The following CDH13 variants were observed in gnomAD, a reference collection of about 807,000 sequenced individuals.
CDH13 encodes the protein cadherin 13.
In CDH13, 24 loss-of-function variants were observed where a neutral mutation model predicts 63.8. The observed-to-expected ratio is 0.38, with a 90% CI of 0.27 to 0.53. CDH13 has a LOEUF of 0.53. Ranked by LOEUF, CDH13 falls within the 20% of genes least tolerant of loss-of-function variation. The pLI, the probability that CDH13 is intolerant of heterozygous loss-of-function variation, is 0.85. For synonymous variants in CDH13, 503 were observed against 355.3 expected (o/e 1.42, Z -4.67); for missense variants, 1,049 against 903.1 (o/e 1.16, Z -2.07).
intron 5 of CDH13, among the ~76,000 whole-genome samples, chr16:83,310,788 G>A: frequency 6.6e-6 from 1 of 152,148 alleles, no homozygotes; most frequent in Non-Finnish European, 1.5e-5. Context: ...AATAACCTAG[G>A]ACCCTGAAGC....
At position 83,345,016 on chromosome 16, in the gene CDH13, A is replaced by T. The variant is rs920619557; in HGVS notation, c.781+10A>T. ...GAAGGGTCACCCACAGGTATGTCAC[A>T]TTGGCTTACCTTTAGCGTAATGGCT... On this transcript the variant is annotated intron_variant, in intron 6 of 13. Transcript: ENST00000567109. 1.2e-6 allele frequency: 2 copies of T among 1,613,192 alleles called. No individual in the cohort carries two copies. Among genetic ancestry groups the T allele is most frequent in the African/African-American group, 2.7e-5 (2 of 74,906 alleles).
chr16:83,557,187 A>G (rs558919091), intron 7 of CDH13, among the ~76,000 whole-genome samples: 4 of 152,294 alleles, frequency 2.6e-5, no homozygotes, highest in Admixed American at 1.3e-4. Flanking sequence ...GCTAGTTATG[A>G]GAATCTAATG....
chr16:83,392,333 A>G (rs1229649756), intron 6 of CDH13, among the ~76,000 whole-genome samples: 3 of 152,164 alleles, frequency 2.0e-5, no homozygotes, highest in Admixed American at 6.5e-5. Context: ...GTAAGTACTA[A>G]ATGAATGCTG....
intron 4 of CDH13, among the ~76,000 whole-genome samples, chr16:83,190,643 C>A (rs536317239): frequency 6.6e-6 from 1 of 152,096 alleles, no homozygotes; most frequent in Admixed American, 6.5e-5. Context: ...TACATGCCAC[C>A]CTTTGATGCT....
At chr16:82,681,168 T>C (rs62036314) in intron 1 of CDH13, among the ~76,000 whole-genome samples, 7,886 of 152,254 alleles carry the variant, frequency 0.052, 293 homozygotes, top group Non-Finnish European at 0.082. Flanking sequence ...CGTGATAAAA[T>C]ATTATTCAGC....
chr16:82,922,209 C>G (rs896232558), intron 2 of CDH13, among the ~76,000 whole-genome samples: 3 of 152,068 alleles, frequency 2.0e-5, no homozygotes, highest in African/African-American at 7.2e-5. Flanking sequence ...TTTCAAAGAG[C>G]AAATTTTTGG....
intron 2 of CDH13, among the ~76,000 whole-genome samples, chr16:82,969,100 C>G (rs1280697084): frequency 6.6e-6 from 1 of 152,124 alleles, no homozygotes; most frequent in Non-Finnish European, 1.5e-5. Context: ...GAATGAGACT[C>G]TCTCTCAAAC....
At chr16:83,700,183 A>G (rs576422463) in intron 10 of CDH13, among the ~76,000 whole-genome samples, 257 of 152,282 alleles carry the variant, frequency 1.7e-3, no homozygotes, top group African/African-American at 5.8e-3. Flanking sequence ...ATCATAAAGT[A>G]TGCCCTCTTT....
chr16:83,490,891 G>A (rs1010775151), intron 7 of CDH13, among the ~76,000 whole-genome samples: 3 of 152,126 alleles, frequency 2.0e-5, no homozygotes, highest in Non-Finnish European at 4.4e-5. Flanking sequence ...CAGAATATAC[G>A]CTTCTGGAAG....
At chr16:82,657,953 T>G (rs1216748787) in intron 1 of CDH13, among the ~76,000 whole-genome samples, 2 of 152,254 alleles carry the variant, frequency 1.3e-5, no homozygotes, top group Admixed American at 6.5e-5. Flanking sequence ...AGGACGATGT[T>G]GAAAAACAAT....
At chr16:82,937,168 C>G (rs370486412) in intron 2 of CDH13, among the ~76,000 whole-genome samples, 1 of 152,198 alleles carries the variant, frequency 6.6e-6, no homozygotes, top group Non-Finnish European at 1.5e-5. Flanking sequence ...GGTCACGCTA[C>G]TGCTGCATTG....
intron 1 of CDH13, among the ~76,000 whole-genome samples, chr16:82,839,306 C>T (rs2038909495): frequency 6.6e-6 from 1 of 152,282 alleles, no homozygotes; most frequent in Non-Finnish European, 1.5e-5. Flanking sequence ...AAAGGTGCCC[C>T]ATTATTACTG....
chr16:83,750,278 A>T (rs1912972521), intron 11 of CDH13, among the ~76,000 whole-genome samples: 1 of 152,136 alleles, frequency 6.6e-6, no homozygotes. Context: ...CCGGGGTGAC[A>T]GAGTGAGACT....
At chr16:83,599,251 A>G (rs1278890737) in intron 7 of CDH13, among the ~76,000 whole-genome samples, 2 of 152,228 alleles carry the variant, frequency 1.3e-5, no homozygotes, top group African/African-American at 4.8e-5. Flanking sequence ...GAATGCTATG[A>G]GAACTTTATC....
intron 1 of CDH13, among the ~76,000 whole-genome samples, chr16:82,738,878 C>G (rs2033806081): frequency 6.6e-6 from 1 of 152,184 alleles, no homozygotes; most frequent in Admixed American, 6.5e-5. Context: ...TCTGCTGCAC[C>G]TACAACCCCT....
chr16:82,882,463 C>T (rs1320287885), intron 2 of CDH13, among the ~76,000 whole-genome samples: 1 of 152,218 alleles, frequency 6.6e-6, no homozygotes, highest in African/African-American at 2.4e-5. Flanking sequence ...ATCAGGCAGA[C>T]CTGGCCGCTG....
intron 10 of CDH13, among the ~76,000 whole-genome samples, chr16:83,693,890 C>G (rs181561239): frequency 6.6e-6 from 1 of 152,196 alleles, no homozygotes; most frequent in Non-Finnish European, 1.5e-5. Flanking sequence ...TGTAGATACT[C>G]TGTCACCCAA....
At chr16:83,257,637 A>G (rs530631059) in intron 5 of CDH13, among the ~76,000 whole-genome samples, 40 of 152,344 alleles carry the variant, frequency 2.6e-4, no homozygotes, top group Non-Finnish European at 4.4e-4. Context: ...TGTGGCGTAT[A>G]TGTACCACCT....
chr16:82,727,772 G>A (rs375936998), intron 1 of CDH13: 8 of 152,216 alleles, frequency 5.3e-5, no homozygotes, highest in Non-Finnish European at 8.8e-5. Flanking sequence ...AAAGTTCTTC[G>A]TCTTGGAAGA....
Sources: allele counts gnomAD v4.1 joint callset (sites outside exome capture counted in the v4.1 genomes callset), GRCh38; gene constraint gnomAD v4.1.1; transcripts MANE v1.5; gene names NCBI Gene and HGNC (gene_info 2026-07-23, HGNC 2026-07-21).